Variants in MELTF observed in about 807,000 individuals in gnomAD.
MELTF encodes melanotransferrin.
In MELTF, 67 loss-of-function variants were observed where a neutral mutation model predicts 83.7. The observed-to-expected ratio is 0.80, with a 90% CI of 0.66 to 0.98. The LOEUF (loss-of-function observed/expected upper bound fraction) is 0.98. Among genes scored for constraint, MELTF ranks in the 50% least tolerant of loss-of-function variants. The pLI is 0.00. For synonymous variants in MELTF, 462 were observed against 447.6 expected, an observed-to-expected ratio of 1.03 and a Z score of -0.41; for missense variants, 1,002 against 1,035.6, an observed-to-expected ratio of 0.97 and a Z score of 0.44.
At position 197,027,927 on chromosome 3, in the gene MELTF, G is replaced by C. The variant is rs748867709; in HGVS notation, c.50-17C>G. On this transcript the variant is annotated splice_polypyrimidine_tract_variant and intron_variant, in intron 1 of 15. Coordinates refer to ENST00000296350, the MANE Select transcript of MELTF (RefSeq NM_005929.6). ...CACCGAGCACTGCGGGCAGGGGACCGTGAGGCCCGGCTCCCCCGCCCTGCC... is the reference window on the plus strand; with the variant it reads ...CACCGAGCACTGCGGGCAGGGGACCCTGAGGCCCGGCTCCCCCGCCCTGCC... The C allele has an allele frequency of 1.3e-6, 2 of 1,552,492 alleles. No individual in the cohort carries two copies. Among genetic ancestry groups the C allele is most frequent in the South Asian group, 2.3e-5 (2 of 87,300 alleles).
chr3:197,023,179 G>A, intron 4 of MELTF, 66 bp from the exon 5 acceptor site: 7 of 1,515,962 alleles, frequency 4.6e-6, no homozygotes, highest in Non-Finnish European at 6.4e-6. Flanking sequence ...AGCCCCCAGG[G>A]TCAGCAGGGG....
chr3:197,006,595 G>C lies in MELTF; in HGVS notation c.1892C>G (p.Pro631Arg). The stretch of plus-strand genomic sequence containing the variant: ...ATACACGGTGAAGATGTTGGTGTCG[G>C]GCCGGACCATCACGGCGTGGGGTGG... The part of the protein sequence containing the change: ...QIPPHAVMVR[P>R]DTNIFTVYGL... Residue 631 changes from proline (P) to arginine (R), a missense_variant, in exon 14 of 16, where the codon CCC becomes CGC. Physicochemically the swap from Pro to Arg is moderately radical, Grantham distance 103. Transcript: ENST00000296350. The surrounding 1 kb of genome is among the most constrained non-coding windows in gnomAD (Gnocchi z 5.4). The C allele has an allele frequency of 6.2e-7, 1 of 1,613,598 alleles. No homozygotes were observed. Among genetic ancestry groups the C allele is most frequent in the Non-Finnish European group, 8.5e-7 (1 of 1,179,770 alleles).
At chr3:197,018,604 G>C (rs1204376538) in intron 6 of MELTF, among the ~76,000 whole-genome samples, 1 of 151,950 alleles carries the variant, frequency 6.6e-6, no homozygotes, top group Non-Finnish European at 1.5e-5. Flanking sequence ...GCACCAAGAT[G>C]CCTGGCTAAT....
rs1267510317 is a variant in MELTF, at chr3:197,007,299, C to T, written c.1751-563G>A. Among the ~76,000 whole-genome samples, 1 of 152,144 alleles carries T rather than the reference C, an allele frequency of 6.6e-6. No individual in the cohort carries two copies. The highest frequency in any genetic ancestry group is 2.4e-5 in the African/African-American group (1 of 41,422). On this transcript the variant is annotated intron_variant, in intron 13 of 15. Transcript: ENST00000296350. The surrounding 1 kb of genome is among the most constrained non-coding windows in gnomAD (Gnocchi z 4.3). ...AGGCTCAAGAATCTGCATGTTAAAC[C>T]AGCATCCCACTGATTCTAAAGCAGG...
At position 197,015,518 on chromosome 3, in the gene MELTF, T is replaced by G. The variant is rs759912476; in HGVS notation, c.1082-2A>C. ...ACCAGCGCAGGTAGGGGGGCAGCCC[T>G]GGGGTGGGGCAAGCAAGCGGTCACT... On this transcript the variant is annotated splice_acceptor_variant, in intron 8 of 15. Coordinates refer to ENST00000296350, the MANE Select transcript of MELTF (RefSeq NM_005929.6). LOFTEE classifies it high-confidence loss of function. 1 of 1,608,346 alleles carries G rather than the reference T, an allele frequency of 6.2e-7. No homozygotes were observed. The highest frequency in any genetic ancestry group is 8.5e-7 in the Non-Finnish European group (1 of 1,176,896).
chr3:197,009,817 G>A lies in MELTF; in HGVS notation c.1331-5C>T. 1.9e-6 allele frequency: 3 copies of A among 1,605,588 alleles called. No individual in the cohort carries two copies. Among genetic ancestry groups the A allele is most frequent in the Non-Finnish European group, 2.6e-6 (3 of 1,173,770 alleles). ...ACGAGTTGCTGCTGTCTTCCGCTGG[G>A]GAGAGAGGGACTCACGTGAGGGGCC... is the stretch of plus-strand genomic sequence containing the variant. On this transcript the variant is annotated splice_region_variant and splice_polypyrimidine_tract_variant and intron_variant, in intron 10 of 15. Transcript: ENST00000296350.
chr3:197,016,388 GGT>G lies in MELTF; in HGVS notation c.901-21_901-20del. 6.6e-7 allele frequency: 1 copy of G among 1,521,488 alleles called. No individual in the cohort carries two copies. Among genetic ancestry groups the G allele is most frequent in the African/African-American group, 1.4e-5 (1 of 71,292 alleles). 94.2% of individuals were successfully genotyped at this position (1,521,488 alleles called of 1,614,324 possible). On this transcript the variant is annotated intron_variant, in intron 7 of 15. Coordinates refer to ENST00000296350, the MANE Select transcript of MELTF (RefSeq NM_005929.6). ...ACAGACGCTGTGTGTCAAGGGGTGT[GGT>G]ACAGGGTGGTGAGGGTGCTGACAGG...
Position 197,020,673 on chromosome 3 carries a change from TTTG to T in MELTF, c.712+728_712+730del, listed in dbSNP as rs530907525. ...AACACCAGTCTTTGTGGGTTTTTTT[TTTG>T]TTGTTGTTTTTTAGACAGAGTCTCG... is the stretch of plus-strand genomic sequence containing the variant. On this transcript the variant is annotated intron_variant, in intron 6 of 15. Transcript: ENST00000296350. Among the ~76,000 whole-genome samples the T allele has an allele frequency of 2.3e-4, 35 of 152,130 alleles. No individual in the cohort carries two copies. In the South Asian group the frequency reaches 6.4e-3, roughly 28 times the overall value.
chr3:197,003,942 G>A lies in MELTF; in HGVS notation c.2096C>T (p.Ala699Val), dbSNP rs143354088. ...CTGAGACGACATCCCTTCCAGCGCC[G>A]CCACGTAGTCCAGCCCCAGCCAGCC... is the stretch of plus-strand genomic sequence containing the variant. The part of the protein sequence containing the change: ...YRGWLGLDYV[A>V]ALEGMSSQQC... Residue 699 changes from alanine (A) to valine (V), a missense_variant, in exon 15 of 16, where the codon GCG becomes GTG. Transcript: ENST00000296350. The surrounding 1 kb of genome is among the most constrained non-coding windows in gnomAD (Gnocchi z 6.2). The A allele has an allele frequency of 3.7e-6, 6 of 1,613,912 alleles. No homozygotes were observed. Among genetic ancestry groups the A allele is most frequent in the Non-Finnish European group, 5.1e-6 (6 of 1,180,028 alleles).
At position 197,022,564 on chromosome 3, in the gene MELTF, G is replaced by A. The variant is rs1436073485; in HGVS notation, c.644+393C>T. Among the ~76,000 whole-genome samples, 1 of 152,126 alleles carries A rather than the reference G, an allele frequency of 6.6e-6. No homozygotes were observed. Among genetic ancestry groups the A allele is most frequent in the African/African-American group, 2.4e-5 (1 of 41,414 alleles). ...GTTAGAGTCTCCTGCATCCACGGAA[G>A]GGTTACCCAAGGTGCCAGCCGCAAC... On this transcript the variant is annotated intron_variant, in intron 5 of 15. Coordinates refer to ENST00000296350, the MANE Select transcript of MELTF (RefSeq NM_005929.6). The surrounding 1 kb of genome is among the most constrained non-coding windows in gnomAD (Gnocchi z 5.1).
intron 9 of MELTF, among the ~76,000 whole-genome samples, chr3:197,012,273 G>A (rs1238746332): frequency 6.6e-6 from 1 of 152,172 alleles, no homozygotes; most frequent in Non-Finnish European, 1.5e-5. Flanking sequence ...AGCACATCCC[G>A]GCTGGTGACT....
chr3:197,010,730 C>T lies in MELTF; in HGVS notation c.1298G>A (p.Gly433Asp). ...EDIYTAGKTY[G>D]LVPAAGEHYA... ...GTGCTCCCCGGCTGCGGGAACCAGG[C>T]CGTACGTCTTCCCCGCCGTGTAAAT... is the stretch of plus-strand genomic sequence containing the variant. Residue 433 changes from glycine (G) to aspartate (D), a missense_variant, in exon 10 of 16, where the codon GGC (glycine) becomes GAC (aspartate). Gly to Asp is a moderately conservative substitution (Grantham distance 94). Coordinates refer to ENST00000296350, the MANE Select transcript of MELTF (RefSeq NM_005929.6). 6.2e-7 allele frequency: 1 copy of T among 1,613,652 alleles called. No homozygotes were observed. The highest frequency in any genetic ancestry group is 1.6e-4 in the Middle Eastern group (1 of 6,062).
Position 197,024,449 on chromosome 3 carries a change from C to T in MELTF, c.341G>A (p.Arg114Lys). 1.2e-6 allele frequency: 2 copies of T among 1,604,478 alleles called. No individual in the cohort carries two copies. Among genetic ancestry groups the T allele is most frequent in the South Asian group, 1.1e-5 (1 of 90,562 alleles). Residue 114 changes from arginine (R) to lysine (K), a missense_variant, in exon 4 of 16, where the codon AGG (arginine) becomes AAG (lysine). Physicochemically the swap from Arg to Lys is conservative, Grantham distance 26 (BLOSUM62 2). Transcript: ENST00000296350. The surrounding 1 kb of genome is among the most constrained non-coding windows in gnomAD (Gnocchi z 5.3). ...GTCAATGGTCACATGGGAGCTCCTC[C>T]TGACCACAGCCACGGCGTAATAGGA... is the stretch of plus-strand genomic sequence containing the variant. ...GTSYYAVAVV[R>K]RSSHVTIDTL...
intron 6 of MELTF, 118 bp from the exon 7 acceptor site, chr3:197,017,408 C>T: frequency 1.1e-6 from 1 of 944,180 alleles, no homozygotes; most frequent in Non-Finnish European, 1.5e-6. Flanking sequence ...GAGAACCCAG[C>T]ATTCAGAAGG....
Position 197,005,312 on chromosome 3 carries a change from C to T in MELTF, c.1939-1213G>A, listed in dbSNP as rs534383324. ...TTGCTCTTAATTGAAGTGGGGAAGA[C>T]TGAAGGAGGGACGGGGGTCCAACTT... On this transcript the variant is annotated intron_variant, in intron 14 of 15. Transcript: ENST00000296350. 7.2e-5 allele frequency among the ~76,000 whole-genome samples: 11 copies of T among 152,320 alleles called. No individual in the cohort carries two copies. In the East Asian group the frequency reaches 1.9e-3, roughly 27 times the overall value.
chr3:197,018,224 T>C (rs1206068366), intron 6 of MELTF, among the ~76,000 whole-genome samples: 1 of 151,386 alleles, frequency 6.6e-6, no homozygotes, highest in East Asian at 2.0e-4. Context: ...CTCGGCTCAC[T>C]GCAACCTCCA....
rs1443417500 is a variant in MELTF at position 197,023,008 on chromosome 3, A to C, written c.593T>G (p.Val198Gly). The C allele has an allele frequency of 6.2e-7, 1 of 1,613,036 alleles. No homozygotes were observed. Among genetic ancestry groups the C allele is most frequent in the Non-Finnish European group, 8.5e-7 (1 of 1,179,848 alleles). The part of the protein sequence containing the change: ...LCRGDSSGEG[V>G]CDKSPLERYY... ...TCTCTCCAGGGGGCTCTTGTCACAC[A>C]CCCCTTCCCCAGAGCTGTCACCCCT... is the stretch of plus-strand genomic sequence containing the variant. The change falls in exon 5 of 16, where the codon GTG (valine) becomes GGG (glycine). Residue 198 changes from valine (V) to glycine (G), a missense_variant. Transcript: ENST00000296350.
At position 197,015,358 on chromosome 3, in the gene MELTF, C is replaced by T; in HGVS notation, c.1233+7G>A. On this transcript the variant is annotated splice_region_variant and intron_variant, in intron 9 of 15. Transcript: ENST00000296350. ...CCTGGCCCACGCTGCACCTGCGTGA[C>T]TCCCACCTGGATCCGCTCCATGCAG... is the stretch of plus-strand genomic sequence containing the variant. The T allele has an allele frequency of 6.4e-7, 1 of 1,551,450 alleles. No homozygotes were observed. The highest frequency in any genetic ancestry group is 8.7e-7 in the Non-Finnish European group (1 of 1,146,286).
intron 9 of MELTF, among the ~76,000 whole-genome samples, chr3:197,013,140 A>T (rs985942907): frequency 6.6e-6 from 1 of 152,232 alleles, no homozygotes; most frequent in Non-Finnish European, 1.5e-5. Context: ...CCTAAGCAAA[A>T]AGAACAAAGA....
Sources: allele counts gnomAD v4.1 joint callset (sites outside exome capture counted in the v4.1 genomes callset), GRCh38; gene constraint gnomAD v4.1.1; non-coding constraint Gnocchi (gnomAD v3.1); transcripts MANE v1.5; gene names NCBI Gene and HGNC (gene_info 2026-07-23, HGNC 2026-07-21).